The following LRMDA variants were observed in gnomAD, a reference collection of about 807,000 sequenced individuals.
LRMDA encodes leucine-rich melanocyte differentiation-associated protein.
LRMDA carries 18 observed loss-of-function variants against 29.8 expected under a neutral mutation model. The observed-to-expected ratio is 0.60, with a 90% confidence interval of 0.42 to 0.90. The LOEUF is 0.90. Among genes scored for constraint, LRMDA ranks in the 40% least tolerant of loss-of-function variants. LRMDA has a pLI of 0.00. For missense variants in LRMDA, 273 were observed against 273.9 expected (o/e 1.00, Z 0.02); for synonymous variants, 125 against 109.4 (o/e 1.14, Z -0.89).
chr10:76,057,662 G>A (rs558378053), intron 4 of LRMDA, among the ~76,000 whole-genome samples: 4 of 152,170 alleles, frequency 2.6e-5, no homozygotes, highest in Non-Finnish European at 5.9e-5. Flanking sequence ...TATATGCTGA[G>A]GAGGCTGGGT....
intron 2 of LRMDA, among the ~76,000 whole-genome samples, chr10:75,759,212 G>T (rs1269981546): frequency 6.6e-6 from 1 of 152,170 alleles, no homozygotes; most frequent in Admixed American, 6.5e-5. Context: ...AGGAAATGGG[G>T]TTTAGTTATT....
chr10:76,376,522 G>A (rs75681909), intron 6 of LRMDA, among the ~76,000 whole-genome samples: 1 of 152,120 alleles, frequency 6.6e-6, no homozygotes, highest in Non-Finnish European at 1.5e-5. Context: ...ATAGTACTGT[G>A]ATAAACATAC....
intron 2 of LRMDA, among the ~76,000 whole-genome samples, chr10:75,831,938 A>G (rs1844353522): frequency 6.6e-6 from 1 of 152,170 alleles, no homozygotes; most frequent in Non-Finnish European, 1.5e-5. Context: ...TAGACTGCAC[A>G]TGGCATGGGG....
chr10:76,186,149 A>C (rs1265918967), intron 5 of LRMDA, among the ~76,000 whole-genome samples: 1 of 152,176 alleles, frequency 6.6e-6, no homozygotes, highest in Admixed American at 6.6e-5. Flanking sequence ...TGGAATGTTA[A>C]TAGTGGGATC....
At chr10:76,185,711 C>T (rs781048017) in intron 5 of LRMDA, among the ~76,000 whole-genome samples, 5 of 152,166 alleles carry the variant, frequency 3.3e-5, no homozygotes, top group African/African-American at 9.7e-5. Context: ...ATCCAGACAT[C>T]GTTGAGATGT....
intron 2 of LRMDA, among the ~76,000 whole-genome samples, chr10:75,791,074 G>T (rs1843557216): frequency 6.6e-6 from 1 of 152,168 alleles, no homozygotes; most frequent in Admixed American, 6.5e-5. Flanking sequence ...TGCAGTGTGG[G>T]GACAGAGCAT....
At chr10:76,429,855 G>A (rs1842172829) in intron 6 of LRMDA, among the ~76,000 whole-genome samples, 1 of 152,152 alleles carries the variant, frequency 6.6e-6, no homozygotes, top group South Asian at 2.1e-4. Context: ...TGCCGAGATG[G>A]AATTGCACTT....
chr10:76,139,394 T>C (rs1850156688), intron 5 of LRMDA, among the ~76,000 whole-genome samples: 1 of 152,042 alleles, frequency 6.6e-6, no homozygotes, highest in South Asian at 2.1e-4. Context: ...AATTTTTTTT[T>C]CACAAACCCC....
intron 5 of LRMDA, among the ~76,000 whole-genome samples, chr10:76,296,467 C>T (rs948472794): frequency 6.6e-6 from 1 of 152,216 alleles, no homozygotes; most frequent in Non-Finnish European, 1.5e-5. Context: ...TTAACTTTGA[C>T]TCCTTCACCA....
chr10:75,826,570 T>G (rs1844250125), intron 2 of LRMDA, among the ~76,000 whole-genome samples: 1 of 152,212 alleles, frequency 6.6e-6, no homozygotes, highest in Non-Finnish European at 1.5e-5. Flanking sequence ...AACTACGAAG[T>G]TTTATATTTC....
intron 5 of LRMDA, among the ~76,000 whole-genome samples, chr10:76,239,080 T>C (rs1852219733): frequency 6.6e-6 from 1 of 152,138 alleles, no homozygotes; most frequent in Non-Finnish European, 1.5e-5. Context: ...ATGCCTTGCC[T>C]TGGTGACGTA....
At chr10:76,040,944 A>T (rs1482358439) in intron 3 of LRMDA, among the ~76,000 whole-genome samples, 2 of 151,912 alleles carry the variant, frequency 1.3e-5, no homozygotes, top group Non-Finnish European at 2.9e-5. Context: ...CACGGAGACC[A>T]CTCCAGCGAG....
At chr10:75,801,370 C>G (rs1237649495) in intron 2 of LRMDA, among the ~76,000 whole-genome samples, 4 of 152,186 alleles carry the variant, frequency 2.6e-5, no homozygotes, top group African/African-American at 9.7e-5. Flanking sequence ...TGAGTTCTGG[C>G]TGCTGTGTCC....
At chr10:76,267,400 G>A (rs1840019859) in intron 5 of LRMDA, among the ~76,000 whole-genome samples, 1 of 152,038 alleles carries the variant, frequency 6.6e-6, no homozygotes, top group African/African-American at 2.4e-5. Context: ...AAAGTGTTGT[G>A]CGACCATCAC....
intron 6 of LRMDA, among the ~76,000 whole-genome samples, chr10:76,401,334 T>C (rs926008061): frequency 6.6e-6 from 1 of 152,232 alleles, no homozygotes; most frequent in Admixed American, 6.5e-5. Flanking sequence ...ATTCTTTTAT[T>C]CCTTCCTTTA....
intron 2 of LRMDA, among the ~76,000 whole-genome samples, chr10:75,707,555 C>G (rs1339354762): frequency 2.0e-5 from 3 of 152,180 alleles, no homozygotes; most frequent in African/African-American, 7.2e-5. Flanking sequence ...AGCAGGGAGA[C>G]CCAGGGAGGG....
At chr10:76,406,991 A>G (rs1162150267) in intron 6 of LRMDA, among the ~76,000 whole-genome samples, 3 of 152,210 alleles carry the variant, frequency 2.0e-5, no homozygotes, top group Non-Finnish European at 4.4e-5. Flanking sequence ...CCATTCGTGC[A>G]ACCTTTGATC....
intron 2 of LRMDA, among the ~76,000 whole-genome samples, chr10:75,775,773 A>G (rs1428442136): frequency 6.6e-6 from 1 of 152,176 alleles, no homozygotes; most frequent in African/African-American, 2.4e-5. Flanking sequence ...CAAGGTAGCA[A>G]TGTTCCTGGC....
intron 2 of LRMDA, among the ~76,000 whole-genome samples, chr10:75,507,386 CT>C (rs1845181931): frequency 6.6e-6 from 1 of 152,144 alleles, no homozygotes; most frequent in Admixed American, 6.5e-5. Flanking sequence ...TTTCCAGATT[CT>C]TTTCTTAATC....
Sources: allele counts gnomAD v4.1 joint callset (sites outside exome capture counted in the v4.1 genomes callset), GRCh38; gene constraint gnomAD v4.1.1; transcripts MANE v1.5; gene names NCBI Gene and HGNC (gene_info 2026-07-23, HGNC 2026-07-21).